CFAP69: variants seen among roughly 807,000 people sequenced by gnomAD.
CFAP69 encodes the protein cilia- and flagella-associated protein 69.
Under a neutral mutation model 123.0 loss-of-function variants are expected in CFAP69, and 92 were observed. The ratio of observed to expected loss-of-function variants is 0.75; its 90% CI spans 0.63 to 0.89. The LOEUF (loss-of-function observed/expected upper bound fraction) is 0.89. CFAP69 is among the 40% of genes least tolerant of loss of function. The probability of loss-of-function intolerance (pLI) is 0.00; values close to 1 mark genes in which losing one functional copy is unlikely to be tolerated. For missense variants in CFAP69, 1,067 were observed against 1,096.9 expected (o/e 0.97, Z 0.39); for synonymous variants, 380 against 364.3 (o/e 1.04, Z -0.49).
intron 12 of CFAP69, among the ~76,000 whole-genome samples, chr7:90,282,197 A>AAG (rs1430829392): frequency 6.6e-6 from 1 of 150,484 alleles, no homozygotes; most frequent in African/African-American, 2.4e-5. Context: ...TTAAAAAAAA[A>AAG]AAGCAGCTGG....
chr7:90,269,331 T>C (rs552074189), intron 6 of CFAP69, among the ~76,000 whole-genome samples: 1 of 152,170 alleles, frequency 6.6e-6, no homozygotes, highest in South Asian at 2.1e-4. Flanking sequence ...GCCACCAGAA[T>C]GGTTGAGTTT....
chr7:90,287,085 G>GAA (rs34727700), intron 14 of CFAP69, among the ~76,000 whole-genome samples: 3 of 107,296 alleles, frequency 2.8e-5, no homozygotes, highest in African/African-American at 7.6e-5. Flanking sequence ...GACTCCATCT[G>GAA]AAAAAAAAAA....
At chr7:90,296,383 A>C (rs1446579220) in intron 15 of CFAP69, among the ~76,000 whole-genome samples, 1 of 151,936 alleles carries the variant, frequency 6.6e-6, no homozygotes, top group African/African-American at 2.4e-5. Flanking sequence ...CCCGGGGTGC[A>C]GTGGCGTGAT....
chr7:90,300,866 G>T (rs2040517), intron 17 of CFAP69: 75,980 of 152,316 alleles, frequency 0.5, 19,912 homozygotes, highest in Non-Finnish European at 0.59. Flanking sequence ...GCCCAGGCTG[G>T]TCTCAAGCTC....
At chr7:90,247,127 C>T (rs1443191204) in intron 1 of CFAP69, among the ~76,000 whole-genome samples, 3 of 152,132 alleles carry the variant, frequency 2.0e-5, no homozygotes, top group East Asian at 3.9e-4. Context: ...CTTTTTATAG[C>T]TGGGAGAAAT....
At chr7:90,314,870 C>T (rs776546372), downstream of CFAP69, among the ~76,000 whole-genome samples, 1 of 151,506 alleles carries the variant, frequency 6.6e-6, no homozygotes, top group South Asian at 2.1e-4. Flanking sequence ...TCGCTCCCCC[C>T]CCTGCTTTAA....
At chr7:90,260,557 A>T (rs1798186595) in intron 3 of CFAP69, among the ~76,000 whole-genome samples, 1 of 152,108 alleles carries the variant, frequency 6.6e-6, no homozygotes, top group Non-Finnish European at 1.5e-5. Context: ...AAGAAAAGTT[A>T]TCAAGCTCTA....
At chr7:90,282,656 A>G (rs891601648) in intron 12 of CFAP69, among the ~76,000 whole-genome samples, 3 of 152,210 alleles carry the variant, frequency 2.0e-5, no homozygotes, top group Non-Finnish European at 4.4e-5. Context: ...TAACAGAAGC[A>G]AATTACAAAA....
chr7:90,311,812 G>A (rs1794357606), downstream of CFAP69, among the ~76,000 whole-genome samples: 3 of 152,164 alleles, frequency 2.0e-5, no homozygotes, highest in South Asian at 6.2e-4. Context: ...CATAGGAGTA[G>A]ATAACATGCA....
chr7:90,258,229 T>G, intron 3 of CFAP69, 66 bp downstream of exon 3: 2 of 1,176,416 alleles, frequency 1.7e-6, no homozygotes, highest in Non-Finnish European at 2.4e-6. Flanking sequence ...TTTTAGAAAA[T>G]GTGTTAGTTT....
At chr7:90,317,535 C>CA in the CFAP69 span, 1 of 143,522 alleles carries the variant, frequency 7.0e-6, no homozygotes, top group African/African-American at 2.5e-5. Context: ...GCTACTCATG[C>CA]AAAATTGGTT....
At chr7:90,261,205 G>A (rs1330043097) in intron 3 of CFAP69, among the ~76,000 whole-genome samples, 1 of 151,764 alleles carries the variant, frequency 6.6e-6, no homozygotes, top group Admixed American at 6.6e-5. Flanking sequence ...TCAGCCTCCT[G>A]AATAGCTGGG....
chr7:90,282,609 T>G lies in CFAP69; in HGVS notation c.1373-283T>G, dbSNP rs550622837. Among the ~76,000 whole-genome samples the G allele has an allele frequency of 5.9e-5, 9 of 152,296 alleles. No individual in the cohort carries two copies. In the East Asian group the frequency reaches 1.7e-3, roughly 29 times the overall value. ...AAAATTAATAATCTAGATCTACTTG[T>G]GACAATGTGAATAATTTTTAAAATA... On this transcript the variant is annotated intron_variant, in intron 12 of 22. Coordinates refer to ENST00000389297, the MANE Select transcript of CFAP69 (RefSeq NM_001039706.3).
downstream of CFAP69, among the ~76,000 whole-genome samples, chr7:90,314,827 A>G (rs174058): frequency 0.87 from 132,605 of 151,944 alleles, 57,998 homozygotes; most frequent in East Asian, 1. Context: ...CCACTAACTC[A>G]TCATCTAGCA....
At chr7:90,309,810 G>A (rs192874782) in intron 22 of CFAP69, among the ~76,000 whole-genome samples, 39 of 152,172 alleles carry the variant, frequency 2.6e-4, no homozygotes, top group Admixed American at 1.7e-3. Flanking sequence ...TTTTCCTGGC[G>A]AGTAGATCCC....
intron 12 of CFAP69, among the ~76,000 whole-genome samples, chr7:90,281,854 G>T (rs1789541341): frequency 6.6e-6 from 1 of 152,026 alleles, no homozygotes; most frequent in South Asian, 2.1e-4. Context: ...CCCTGTGACT[G>T]ATAATAGATT....
chr7:90,273,875 C>A, intron 8 of CFAP69, 112 bp from the exon 9 acceptor site: 1 of 783,074 alleles, frequency 1.3e-6, no homozygotes, highest in South Asian at 2.1e-5. Context: ...CCTAAGGCCT[C>A]ACTCCTAAAA....
chr7:90,266,514 C>T (rs942136387), intron 5 of CFAP69, among the ~76,000 whole-genome samples: 8 of 151,892 alleles, frequency 5.3e-5, no homozygotes, highest in Admixed American at 2.6e-4. Flanking sequence ...TTTAAAATAC[C>T]CCTGTTGCCA....
chr7:90,297,531 A>T lies in CFAP69; in HGVS notation c.1776-218A>T, dbSNP rs115018117. Among the ~76,000 whole-genome samples, 934 of 152,346 alleles carry T rather than the reference A, an allele frequency of 6.1e-3. 16 individuals carry two copies. The highest frequency in any genetic ancestry group is 0.021 in the African/African-American group (881 of 41,584). On this transcript the variant is annotated intron_variant, in intron 15 of 22. Coordinates refer to ENST00000389297, the MANE Select transcript of CFAP69 (RefSeq NM_001039706.3). The stretch of plus-strand genomic sequence containing the variant: ...ATTTGTAGGAAAGAAATAGGCAGTT[A>T]TGGAAAAGAATGGATATTGATTTTT...
Sources: gnomAD v4.1 joint callset for allele counts (sites outside exome capture counted in the v4.1 genomes callset) on GRCh38, gnomAD v4.1.1 for gene constraint, MANE v1.5 for transcripts, NCBI Gene and HGNC (gene_info 2026-07-23, HGNC 2026-07-21) for gene names.